The following ST3GAL3 variants were observed in gnomAD, a reference collection of about 807,000 sequenced individuals.
ST3GAL3 encodes ST3 beta-galactoside alpha-2,3-sialyltransferase 3, also known as CMP-N-acetylneuraminate-beta-1,4-galactoside alpha-2,3-sialyltransferase.
ST3GAL3 carries 21 observed loss-of-function variants against 50.1 expected under a neutral mutation model. That is an observed-to-expected ratio of 0.42 (90% CI 0.30 to 0.60). The LOEUF is 0.60. Ranked by LOEUF, ST3GAL3 falls within the 20% of genes least tolerant of loss-of-function variation. The probability of loss-of-function intolerance (pLI) is 0.19; values close to 1 mark genes in which losing one functional copy is unlikely to be tolerated. For synonymous variants in ST3GAL3, 183 were observed against 190.0 expected, an observed-to-expected ratio of 0.96 and a Z score of 0.30; for missense variants, 353 against 489.4, an observed-to-expected ratio of 0.72 and a Z score of 2.63.
At chr1:43,821,162 G>GT (rs2062039772) in intron 4 of ST3GAL3, among the ~76,000 whole-genome samples, 1 of 152,196 alleles carries the variant, frequency 6.6e-6, no homozygotes, top group African/African-American at 2.4e-5. Context: ...GCGAGCTGAA[G>GT]TCTTAGTGAA....
chr1:43,890,803 G>C (rs2076586027), intron 5 of ST3GAL3, among the ~76,000 whole-genome samples: 2 of 152,182 alleles, frequency 1.3e-5, no homozygotes, highest in Non-Finnish European at 2.9e-5. Context: ...AGGATCACTT[G>C]AGCCCAGGAG....
At chr1:43,880,694 C>T (rs1169206110) in intron 5 of ST3GAL3, among the ~76,000 whole-genome samples, 2 of 152,166 alleles carry the variant, frequency 1.3e-5, no homozygotes, top group Non-Finnish European at 2.9e-5. Flanking sequence ...TTCTTTCCCT[C>T]CTCAACCCCT....
At chr1:43,813,294 G>A (rs2060784343) in intron 3 of ST3GAL3, among the ~76,000 whole-genome samples, 1 of 152,208 alleles carries the variant, frequency 6.6e-6, no homozygotes, top group Non-Finnish European at 1.5e-5. Context: ...GGCAAGCTGA[G>A]GCTTCCTTTT....
intron 4 of ST3GAL3, chr1:43,824,787 C>G (rs1354479005): frequency 3.9e-6 from 6 of 1,556,552 alleles, no homozygotes; most frequent in Admixed American, 3.3e-5. Flanking sequence ...TTGGAATCAC[C>G]TGGAGAGCCT....
chr1:43,728,410 T>C (rs969011732), intron 1 of ST3GAL3, among the ~76,000 whole-genome samples: 1 of 152,132 alleles, frequency 6.6e-6, no homozygotes, highest in Admixed American at 6.5e-5. Context: ...TGTTGAGATA[T>C]GACCACTGCC....
chr1:43,835,694 CTGT>C (rs1558510739), intron 4 of ST3GAL3, among the ~76,000 whole-genome samples: 2 of 152,142 alleles, frequency 1.3e-5, no homozygotes, highest in African/African-American at 4.8e-5. Context: ...AAAGGTCTGT[CTGT>C]TGTTCATTTA....
chr1:43,731,120 C>T (rs957507625), intron 1 of ST3GAL3, among the ~76,000 whole-genome samples: 11 of 151,908 alleles, frequency 7.2e-5, no homozygotes, highest in Non-Finnish European at 1.6e-4. Flanking sequence ...GCAACCTCAA[C>T]CTCCTGGGCT....
At chr1:43,922,124 G>C (rs769632673) in intron 11 of ST3GAL3, 2 of 163,698 alleles carry the variant, frequency 1.2e-5, no homozygotes, top group Non-Finnish European at 2.6e-5. Flanking sequence ...CCAGCACTTT[G>C]GGAGGCCAAG....
chr1:43,740,341 A>G (rs1338468265), intron 2 of ST3GAL3, among the ~76,000 whole-genome samples: 1 of 151,784 alleles, frequency 6.6e-6, no homozygotes, highest in African/African-American at 2.4e-5. Flanking sequence ...CAGTCTCAAA[A>G]AAAAAAAAAA....
At chr1:43,860,552 G>A (rs766975758) in intron 5 of ST3GAL3, among the ~76,000 whole-genome samples, 8 of 152,228 alleles carry the variant, frequency 5.3e-5, no homozygotes, top group South Asian at 2.1e-4. Context: ...AGGAGCAAAG[G>A]GTGAGCCTTG....
intron 1 of ST3GAL3, among the ~76,000 whole-genome samples, chr1:43,711,354 C>A (rs1227864945): frequency 6.6e-6 from 1 of 152,256 alleles, no homozygotes; most frequent in Non-Finnish European, 1.5e-5. Flanking sequence ...TTTCAAGTTT[C>A]TGTCCCACTA....
Position 43,718,728 on chromosome 1 carries a change from C to T in ST3GAL3, c.-31+11035C>T, listed in dbSNP as rs534325013. Reference sequence around the variant, plus strand: ...TTTAGGATGGAATCTTACTCTGTCACCCAGCCTGGAGTGCAGTGGAGTGAT... The same window carrying T: ...TTTAGGATGGAATCTTACTCTGTCATCCAGCCTGGAGTGCAGTGGAGTGAT... On this transcript the variant is annotated intron_variant, in intron 1 of 11. Transcript: ENST00000347631. 3.0e-4 allele frequency among the ~76,000 whole-genome samples: 44 copies of T among 146,468 alleles called. No homozygotes were observed. The South Asian group carries it at 9.0e-3, about 30-fold the overall frequency.
intron 1 of ST3GAL3, chr1:43,727,242 T>C (rs1158677313): frequency 6.6e-6 from 1 of 152,100 alleles, no homozygotes; most frequent in African/African-American, 2.4e-5. Flanking sequence ...CCTTACGCCT[T>C]CTCTGCCCCA....
chr1:43,712,763 T>C lies in ST3GAL3; in HGVS notation c.-31+5070T>C, dbSNP rs147926883. Among the ~76,000 whole-genome samples, 1,197 of 152,286 alleles carry C rather than the reference T, an allele frequency of 7.9e-3. 7 individuals are homozygous for C. The highest frequency in any genetic ancestry group is 0.012 in the Non-Finnish European group (830 of 68,028). ...GGCTTTTCACACAGGCAACAATGTG[T>C]GCTGTGGCCTAGAAGCAAAGAATGT... is the stretch of plus-strand genomic sequence containing the variant. On this transcript the variant is annotated intron_variant, in intron 1 of 11. Transcript: ENST00000347631.
chr1:43,896,029 G>A (rs1338027445), intron 6 of ST3GAL3, among the ~76,000 whole-genome samples: 1 of 152,184 alleles, frequency 6.6e-6, no homozygotes, highest in African/African-American at 2.4e-5. Flanking sequence ...GAAAAGGAGG[G>A]AATCTGTTGC....
chr1:43,917,481 T>A (rs1336102833), intron 9 of ST3GAL3, among the ~76,000 whole-genome samples: 14 of 80,586 alleles, frequency 1.7e-4, no homozygotes, highest in Admixed American at 4.6e-4. Flanking sequence ...ATAATATATA[T>A]AATATATAAT....
intron 3 of ST3GAL3, chr1:43,801,212 T>C (rs961703080): frequency 1.5e-5 from 7 of 452,958 alleles, no homozygotes; most frequent in Non-Finnish European, 2.7e-5. Flanking sequence ...CTCCTTAAAT[T>C]GGTGTTCATG....
intron 1 of ST3GAL3, among the ~76,000 whole-genome samples, chr1:43,718,774 A>T (rs909050007): frequency 8.0e-6 from 1 of 125,330 alleles, no homozygotes; most frequent in Admixed American, 1.0e-4. Flanking sequence ...TGCAACCTCC[A>T]CCTCCCAGGT....
At chr1:43,779,423 T>G (rs1698604330) in intron 2 of ST3GAL3, among the ~76,000 whole-genome samples, 1 of 152,256 alleles carries the variant, frequency 6.6e-6, no homozygotes, top group African/African-American at 2.4e-5. Context: ...TTACAGGGCT[T>G]GTTCCCAACA....
Sources: gnomAD v4.1 joint callset for allele counts (sites outside exome capture counted in the v4.1 genomes callset) on GRCh38, gnomAD v4.1.1 for gene constraint, MANE v1.5 for transcripts, NCBI Gene and HGNC (gene_info 2026-07-23, HGNC 2026-07-21) for gene names.